DCHS2: variants seen among roughly 807,000 people sequenced by gnomAD.
DCHS2 encodes dachsous cadherin-related 2, also known as protocadherin-23.
DCHS2 carries 142 observed loss-of-function variants against 182.4 expected under a neutral mutation model. The ratio of observed to expected loss-of-function variants is 0.78; its 90% CI spans 0.68 to 0.89. The LOEUF is 0.89. DCHS2 is among the 40% of genes least tolerant of loss of function. The pLI, the probability that DCHS2 is intolerant of heterozygous loss-of-function variation, is 0.00. For synonymous variants in DCHS2, 1,740 were observed against 1,663.3 expected, an observed-to-expected ratio of 1.05 and a Z score of -1.12; for missense variants, 4,319 against 4,198.6, an observed-to-expected ratio of 1.03 and a Z score of -0.79.
chr4:154,490,227 C>T lies in DCHS2; in HGVS notation c.1129G>A (p.Ala377Thr), dbSNP rs1487266798. The T allele has an allele frequency of 4.5e-6, 7 of 1,549,628 alleles. No individual in the cohort carries two copies. The African/African-American group carries it at 8.2e-5, about 18-fold the overall frequency. ...VWRPLDREAQAWHQLVVEARD... is the reference protein window; with the variant it reads ...VWRPLDREAQTWHQLVVEARD... The stretch of plus-strand genomic sequence containing the variant: ...GCCTCCACCACCAACTGGTGCCAGG[C>T]CTGTGCCTCGCGGTCCAGAGGTCTC... Residue 377 changes from alanine (A) to threonine (T), a missense_variant, in exon 1 of 20, where the codon GCC becomes ACC. Transcript: ENST00000357232.
rs1728818592 is a variant in DCHS2 at position 154,491,131 on chromosome 4, C to G, written c.225G>C (p.Glu75Asp). Residue 75 changes from glutamate to aspartate, a missense_variant, in exon 1 of 20, where the codon GAG becomes GAC. Coordinates refer to ENST00000357232, the MANE Select transcript of DCHS2 (RefSeq NM_001358235.2). ...QLFNLTLSVD[E>D]GLPPDTLVGD... ...CTACCAGCGTGTCCGGGGGAAGCCC[C>G]TCATCTACGGAAAGGGTGAGGTTGA... is the stretch of plus-strand genomic sequence containing the variant. The G allele has an allele frequency of 6.4e-7, 1 of 1,551,466 alleles. No homozygotes were observed. Among genetic ancestry groups the G allele is most frequent in the East Asian group, 2.4e-5 (1 of 40,900 alleles).
At chr4:154,406,514 T>C (rs951624057) in intron 1 of DCHS2, among the ~76,000 whole-genome samples, 2 of 152,226 alleles carry the variant, frequency 1.3e-5, no homozygotes, top group Non-Finnish European at 2.9e-5. Flanking sequence ...GGAGGACAAG[T>C]CCAGTATTGG....
rs542468455 is a variant in DCHS2, at chr4:154,431,362, G to T, written c.2053-53918C>A. On this transcript the variant is annotated intron_variant, in intron 1 of 19. Transcript: ENST00000357232. ...AAAACATAAAACTTATATCATAAGC[G>T]GTAGTACTGGTTCAACATACCAGTA... Among the ~76,000 whole-genome samples the T allele has an allele frequency of 2.0e-5, 3 of 152,088 alleles. No individual in the cohort carries two copies. The South Asian group carries it at 6.2e-4, about 32-fold the overall frequency.
chr4:154,455,260 A>G (rs1311094425), intron 1 of DCHS2, among the ~76,000 whole-genome samples: 1 of 152,180 alleles, frequency 6.6e-6, no homozygotes, highest in Admixed American at 6.5e-5. Flanking sequence ...TAACAAACCT[A>G]CTTTAGAAAG....
intron 1 of DCHS2, among the ~76,000 whole-genome samples, chr4:154,418,435 C>T (rs1447719394): frequency 6.6e-6 from 1 of 152,206 alleles, no homozygotes; most frequent in Non-Finnish European, 1.5e-5. Flanking sequence ...CTCACTAAGA[C>T]TCCCTTTTCC....
chr4:154,318,821 G>A (rs1216386052), intron 9 of DCHS2, among the ~76,000 whole-genome samples: 1 of 152,046 alleles, frequency 6.6e-6, no homozygotes, highest in Non-Finnish European at 1.5e-5. Flanking sequence ...AATCTCAGTG[G>A]CATTTGTTGT....
chr4:154,320,115 T>A (rs557883018), intron 9 of DCHS2, among the ~76,000 whole-genome samples: 1 of 152,202 alleles, frequency 6.6e-6, no homozygotes, highest in Non-Finnish European at 1.5e-5. Flanking sequence ...TTATTCCATT[T>A]ACATGAAGTA....
intron 3 of DCHS2, among the ~76,000 whole-genome samples, chr4:154,345,408 C>G (rs1391166252): frequency 1.3e-5 from 2 of 152,178 alleles, no homozygotes. Flanking sequence ...CTAACTGATT[C>G]TACTGGCCTG....
At chr4:154,362,867 A>T (rs1730188999) in intron 3 of DCHS2, among the ~76,000 whole-genome samples, 1 of 152,160 alleles carries the variant, frequency 6.6e-6, no homozygotes, top group Non-Finnish European at 1.5e-5. Flanking sequence ...ATCTCTAGCT[A>T]ACTTTATTGT....
At chr4:154,308,780 A>G (rs1735556174) in intron 10 of DCHS2, among the ~76,000 whole-genome samples, 1 of 152,154 alleles carries the variant, frequency 6.6e-6, no homozygotes, top group South Asian at 2.1e-4. Flanking sequence ...TAAAAATATA[A>G]CTGCTAGTAA....
chr4:154,407,034 A>G (rs937722017), intron 1 of DCHS2, among the ~76,000 whole-genome samples: 2 of 152,236 alleles, frequency 1.3e-5, no homozygotes, highest in Non-Finnish European at 2.9e-5. Flanking sequence ...CCCAAGTTCT[A>G]GGCAATCCTG....
intron 10 of DCHS2, among the ~76,000 whole-genome samples, chr4:154,309,716 A>T (rs1021644499): frequency 2.6e-5 from 4 of 152,180 alleles, no homozygotes; most frequent in African/African-American, 9.7e-5. Flanking sequence ...TGCAGCTATG[A>T]GTTCCTTAAC....
intron 19 of DCHS2, chr4:154,237,517 T>C (rs1731591532): frequency 5.9e-6 from 1 of 170,668 alleles, no homozygotes. Flanking sequence ...CACAAACACA[T>C]GTATAAAGAT....
intron 1 of DCHS2, among the ~76,000 whole-genome samples, chr4:154,471,166 C>G (rs1735449852): frequency 6.6e-6 from 1 of 152,156 alleles, no homozygotes; most frequent in Non-Finnish European, 1.5e-5. Flanking sequence ...AACTGACTTG[C>G]TTAAAATCAC....
rs180770514 is a variant in DCHS2, at chr4:154,357,383, G to T, written c.2476+8827C>A. 8.5e-4 allele frequency: 962 copies of T among 1,128,532 alleles called. 3 individuals are homozygous for T. Among genetic ancestry groups the T allele is most frequent in the East Asian group, 6.3e-3 (269 of 42,524 alleles). 69.9% of individuals were successfully genotyped at this position (1,128,532 alleles called of 1,614,324 possible). A position where few individuals can be genotyped will look rare whatever the true frequency, so the allele number is the denominator to read the frequency against. The stretch of plus-strand genomic sequence containing the variant: ...CAGGGAAAAGCAAAAAGAAAAAGCA[G>T]GTAAGCTATAAGTCTGCCTTTCTTC... On this transcript the variant is annotated intron_variant, in intron 3 of 19. Transcript: ENST00000357232.
chr4:154,327,183 A>C lies in DCHS2; in HGVS notation c.4018+910T>G, dbSNP rs1449439205. 3.3e-5 allele frequency among the ~76,000 whole-genome samples: 5 copies of C among 152,164 alleles called. No homozygotes were observed. The South Asian group carries it at 1.0e-3, about 32-fold the overall frequency. On this transcript the variant is annotated intron_variant, in intron 7 of 19. Transcript: ENST00000357232. ...AGTTTGAGAGGCACTCCTTAAGAAA[A>C]ATAAATTGTCCACTTCCCGCTCCCT...
chr4:154,408,555 A>T (rs920426359), intron 1 of DCHS2, among the ~76,000 whole-genome samples: 2 of 152,226 alleles, frequency 1.3e-5, no homozygotes, highest in African/African-American at 2.4e-5. Flanking sequence ...GAAAGGTCAA[A>T]TGCAATAAAG....
chr4:154,459,434 T>A lies in DCHS2; in HGVS notation c.2052+29870A>T, dbSNP rs73854782. On this transcript the variant is annotated intron_variant, in intron 1 of 19. Transcript: ENST00000357232. ...AAAAAATCATCAAAAAATCCAAAAA[T>A]CAAAGTTTTTGCTCTTCTCTTCTCA... 6.4e-3 allele frequency among the ~76,000 whole-genome samples: 973 copies of A among 151,264 alleles called. 21 individuals carry two copies. In the South Asian group the frequency reaches 0.07, roughly 11 times the overall value.
chr4:154,252,051 C>T (rs1018852797), intron 16 of DCHS2, among the ~76,000 whole-genome samples: 2 of 152,086 alleles, frequency 1.3e-5, no homozygotes, highest in Admixed American at 6.6e-5. Context: ...CTGATACTAT[C>T]TCCCTTTTTC....
Sources: allele counts gnomAD v4.1 joint callset (sites outside exome capture counted in the v4.1 genomes callset), GRCh38; gene constraint gnomAD v4.1.1; transcripts MANE v1.5; gene names NCBI Gene and HGNC (gene_info 2026-07-23, HGNC 2026-07-21).